Variants in F2RL1 observed in about 807,000 individuals in gnomAD.
F2RL1 encodes F2R like trypsin receptor 1, also known as proteinase-activated receptor 2.
In F2RL1, 16 loss-of-function variants were observed where a neutral mutation model predicts 21.7. The observed-to-expected ratio is 0.74, with a 90% confidence interval of 0.50 to 1.12. F2RL1 has a LOEUF of 1.12. F2RL1 is among the 50% of genes most tolerant of loss of function. F2RL1 has a pLI of 0.00. For synonymous variants in F2RL1, 181 were observed against 186.7 expected (o/e 0.97, Z 0.25); for missense variants, 432 against 477.8 (o/e 0.90, Z 0.89).
chr5:76,828,485 CT>C (rs755413691), intron 1 of F2RL1, among the ~76,000 whole-genome samples: 292 of 117,426 alleles, frequency 2.5e-3, no homozygotes, highest in Middle Eastern at 0.011. Flanking sequence ...AAATTTCTTT[CT>C]TTTTTTTTTT....
intron 1 of F2RL1, among the ~76,000 whole-genome samples, chr5:76,825,865 T>TA (rs111588892): frequency 3.3e-5 from 5 of 151,866 alleles, no homozygotes; most frequent in East Asian, 3.8e-4. Context: ...AGTTCCTTTT[T>TA]AAAAAAAAAT....
intron 1 of F2RL1, 137 bp from the exon 2 acceptor site, chr5:76,832,553 C>A: frequency 1.1e-6 from 1 of 896,750 alleles, no homozygotes; most frequent in Non-Finnish European, 1.6e-6. Flanking sequence ...CTCCACTACG[C>A]TCCAGCCTGG....
chr5:76,819,298 T>C (rs1213512155), intron 1 of F2RL1, 34 bp downstream of exon 1: 1 of 1,549,730 alleles, frequency 6.5e-7, no homozygotes, highest in Non-Finnish European at 8.7e-7. Flanking sequence ...CTCTTATCTC[T>C]GAGGAGCTGG....
In F2RL1 at chr5:76,834,959, A is replaced by G. The variant is rs1034233222; in HGVS notation, c.*1158A>G. 1 of 152,376 alleles carries G rather than the reference A, an allele frequency of 6.6e-6. No homozygotes were observed. Among genetic ancestry groups the G allele is most frequent in the South Asian group, 2.1e-4 (1 of 4,838 alleles). 9.4% of individuals were successfully genotyped at this position (152,376 alleles called of 1,614,324 possible). A position where few individuals can be genotyped will look rare whatever the true frequency, so the allele number is the denominator to read the frequency against. ...TGTATTATTATTAAAGAAAAATGCA[A>G]TCAGGATTTTAAACATGTAAATACA... On this transcript the variant is annotated 3_prime_UTR_variant, in exon 2 of 2. Coordinates refer to ENST00000296677, the MANE Select transcript of F2RL1 (RefSeq NM_005242.6).
intron 1 of F2RL1, among the ~76,000 whole-genome samples, chr5:76,822,393 T>C (rs1750155385): frequency 6.6e-6 from 1 of 152,076 alleles, no homozygotes; most frequent in Non-Finnish European, 1.5e-5. Flanking sequence ...AATTTTTGTG[T>C]TTTTGGTATA....
chr5:76,831,393 G>C lies in F2RL1; in HGVS notation c.83-1297G>C, dbSNP rs114494207. 2.5e-3 allele frequency among the ~76,000 whole-genome samples: 387 copies of C among 152,218 alleles called. 2 individuals carry two copies. Among genetic ancestry groups the C allele is most frequent in the Non-Finnish European group, 4.1e-3 (276 of 68,016 alleles). ...GAATAGGGTATGATGAATTGAATAGGCCAGGAAGGATCCTGGCTCAGGGCT... is the reference window on the plus strand; with the variant it reads ...GAATAGGGTATGATGAATTGAATAGCCCAGGAAGGATCCTGGCTCAGGGCT... On this transcript the variant is annotated intron_variant, in intron 1 of 1. Coordinates refer to ENST00000296677, the MANE Select transcript of F2RL1 (RefSeq NM_005242.6).
At chr5:76,824,521 G>A (rs1438074665) in intron 1 of F2RL1, among the ~76,000 whole-genome samples, 5 of 151,820 alleles carry the variant, frequency 3.3e-5, no homozygotes, top group East Asian at 3.9e-4. Flanking sequence ...TAGAGACGGG[G>A]TTTCACCATG....
intron 1 of F2RL1, among the ~76,000 whole-genome samples, chr5:76,821,296 AT>A (rs1456565090): frequency 6.6e-6 from 1 of 152,178 alleles, no homozygotes; most frequent in Non-Finnish European, 1.5e-5. Context: ...TCCTCACTGC[AT>A]CGTTAACTCC....
At chr5:76,826,093 A>T (rs1561210513) in intron 1 of F2RL1, among the ~76,000 whole-genome samples, 1 of 151,994 alleles carries the variant, frequency 6.6e-6, no homozygotes, top group Non-Finnish European at 1.5e-5. Flanking sequence ...TGTTTCATCT[A>T]TTCCCAAACT....
rs1490793931 is a variant in F2RL1, at chr5:76,833,196, G to A, written c.589G>A (p.Ala197Thr). 1 of 1,613,836 alleles carries A rather than the reference G, an allele frequency of 6.2e-7. No homozygotes were observed. Among genetic ancestry groups the A allele is most frequent in the Non-Finnish European group, 8.5e-7 (1 of 1,179,936 alleles). Residue 197 changes from alanine (A) to threonine (T), a missense_variant, in exon 2 of 2, where the codon GCA becomes ACA. Transcript: ENST00000296677. The part of the protein sequence containing the change: ...KANIAIGISL[A>T]IWLLILLVTI... ...AAACATTGCCATTGGCATCTCCCTGGCAATATGGCTGCTGATTCTGCTGGT... is the reference window on the plus strand; with the variant it reads ...AAACATTGCCATTGGCATCTCCCTGACAATATGGCTGCTGATTCTGCTGGT...
Position 76,832,723 on chromosome 5 carries a change from T to G in F2RL1, c.116T>G (p.Ile39Ser). Reference protein sequence around the residue: ...TSRSSKGRSLIGKVDGTSHVT... With the variant: ...TSRSSKGRSLSGKVDGTSHVT... The stretch of plus-strand genomic sequence containing the variant: ...AGATCCTCTAAAGGAAGAAGCCTTA[T>G]TGGTAAGGTTGATGGCACATCCCAC... Residue 39 changes from isoleucine to serine, a missense_variant, in exon 2 of 2, where the codon ATT (isoleucine) becomes AGT (serine). Transcript: ENST00000296677. 1 of 1,612,974 alleles carries G rather than the reference T, an allele frequency of 6.2e-7. No homozygotes were observed. The highest frequency in any genetic ancestry group is 8.5e-7 in the Non-Finnish European group (1 of 1,179,274).
intron 1 of F2RL1, among the ~76,000 whole-genome samples, chr5:76,826,375 C>A (rs1374059014): frequency 6.6e-6 from 1 of 152,222 alleles, no homozygotes; most frequent in African/African-American, 2.4e-5. Context: ...TAGCCCTTGG[C>A]AAACACTAAT....
rs192248734 is a variant in F2RL1 at position 76,830,338 on chromosome 5, C to T, written c.83-2352C>T. On this transcript the variant is annotated intron_variant, in intron 1 of 1. Transcript: ENST00000296677. Reference sequence around the variant, plus strand: ...TGTCGCCCAGGCTGGAGTGCAGTGGCGCAATCTTGGCTCACTGCAACCTCC... The same window carrying T: ...TGTCGCCCAGGCTGGAGTGCAGTGGTGCAATCTTGGCTCACTGCAACCTCC... Among the ~76,000 whole-genome samples the T allele has an allele frequency of 2.6e-4, 40 of 152,262 alleles. No individual in the cohort carries two copies. In the East Asian group the frequency reaches 5.8e-3, roughly 22 times the overall value.
At chr5:76,819,552 G>T (rs995542604) in intron 1 of F2RL1, among the ~76,000 whole-genome samples, 1 of 152,188 alleles carries the variant, frequency 6.6e-6, no homozygotes, top group Non-Finnish European at 1.5e-5. Context: ...GCACCTCCAG[G>T]CCCCAGCGTG....
In F2RL1 at chr5:76,828,477, AT is replaced by A. The variant is rs1294685381; in HGVS notation, c.83-4210del. ...AATCAAATATTCAGTCAGTATTCAA[AT>A]TTCTTTCTTTTTTTTTTTTTTTTAA... On this transcript the variant is annotated intron_variant, in intron 1 of 1. Transcript: ENST00000296677. Among the ~76,000 whole-genome samples, 4 of 142,478 alleles carry A rather than the reference AT, an allele frequency of 2.8e-5. No homozygotes were observed. In the East Asian group the frequency reaches 7.9e-4, roughly 28 times the overall value. 93.5% of individuals were successfully genotyped at this position (142,478 alleles called of 152,430 possible). A position where few individuals can be genotyped will look rare whatever the true frequency, so the allele number is the denominator to read the frequency against.
At chr5:76,819,528 G>T (rs1750089534) in intron 1 of F2RL1, among the ~76,000 whole-genome samples, 1 of 152,164 alleles carries the variant, frequency 6.6e-6, no homozygotes, top group African/African-American at 2.4e-5. Context: ...TTCCCGTAGA[G>T]GCTGTCATGC....
intron 1 of F2RL1, among the ~76,000 whole-genome samples, chr5:76,824,861 A>G (rs916163545): frequency 2.6e-5 from 4 of 152,212 alleles, no homozygotes; most frequent in African/African-American, 9.6e-5. Context: ...CCTTTGAGAT[A>G]CAAAATTCAA....
At position 76,832,688 on chromosome 5, in the gene F2RL1, A is replaced by T. The variant is rs773639707; in HGVS notation, c.83-2A>T. On this transcript the variant is annotated splice_acceptor_variant, in intron 1 of 1. Transcript: ENST00000296677. LOFTEE classifies it high-confidence loss of function. ...TGACCCTTGTCTTCCTTTCTTGTAC[A>T]GGAACCAGTAGATCCTCTAAAGGAA... The T allele has an allele frequency of 1.4e-5, 22 of 1,592,224 alleles. No homozygotes were observed. The highest frequency in any genetic ancestry group is 1.9e-5 in the Non-Finnish European group (22 of 1,168,176).
intron 1 of F2RL1, among the ~76,000 whole-genome samples, chr5:76,830,595 C>T (rs1012035345): frequency 2.0e-5 from 3 of 152,112 alleles, no homozygotes; most frequent in African/African-American, 7.2e-5. Flanking sequence ...ATCTTAGAAA[C>T]GACACTTGTC....
Sources: allele counts gnomAD v4.1 joint callset (sites outside exome capture counted in the v4.1 genomes callset), GRCh38; gene constraint gnomAD v4.1.1; transcripts MANE v1.5; gene names NCBI Gene and HGNC (gene_info 2026-07-23, HGNC 2026-07-21).